The following SOX5 variants were observed in gnomAD, a reference collection of about 807,000 sequenced individuals.
The protein encoded by SOX5 is SRY-box transcription factor 5, also known as transcription factor SOX-5.
In SOX5, 9 loss-of-function variants were observed where a neutral mutation model predicts 92.0. The observed-to-expected ratio is 0.10, with a 90% CI of 0.06 to 0.17. The LOEUF is 0.17. SOX5 is among the 10% of genes least tolerant of loss of function. The pLI is 1.00. For missense variants in SOX5, 642 were observed against 944.5 expected (o/e 0.68, Z 4.20); for synonymous variants, 344 against 336.3 (o/e 1.02, Z -0.25).
chr12:23,807,709 C>T (rs573449646), intron 3 of SOX5, among the ~76,000 whole-genome samples: 6 of 150,374 alleles, frequency 4.0e-5, no homozygotes, highest in Admixed American at 2.7e-4. Flanking sequence ...GGCACAATCT[C>T]GGCTCACTGC....
chr12:23,734,643 A>AT (rs1238823703), intron 6 of SOX5, 41 bp downstream of exon 6: 1 of 1,411,746 alleles, frequency 7.1e-7, no homozygotes, highest in East Asian at 2.4e-5. Flanking sequence ...CAGAATATAT[A>AT]TTTTTTAAAT....
At chr12:24,202,218 T>C (rs1385377155) in intron 4 of SOX5, among the ~76,000 whole-genome samples, 2 of 152,214 alleles carry the variant, frequency 1.3e-5, no homozygotes, top group African/African-American at 4.8e-5. Flanking sequence ...TATCACTCTA[T>C]TACAATTCTC....
chr12:24,376,028 G>C (rs11047405), intron 1 of SOX5, among the ~76,000 whole-genome samples: 3,466 of 152,104 alleles, frequency 0.023, 75 homozygotes, highest in Non-Finnish European at 0.035. Context: ...GATTCACTAA[G>C]AAAGATGACC....
intron 11 of SOX5, among the ~76,000 whole-genome samples, chr12:23,550,220 GA>G (rs1380619036): frequency 6.6e-6 from 1 of 151,872 alleles, no homozygotes; most frequent in Non-Finnish European, 1.5e-5. Flanking sequence ...TCTGAATGGC[GA>G]AAGGCCACAG....
chr12:24,377,471 G>A (rs1338035920), intron 1 of SOX5, among the ~76,000 whole-genome samples: 3 of 152,158 alleles, frequency 2.0e-5, no homozygotes, highest in Non-Finnish European at 4.4e-5. Context: ...AACTAAGAAT[G>A]CAGAAAAATG....
rs545365771 is a variant in SOX5, at chr12:24,233,771, T to C, written c.-76-20354A>G. Among the ~76,000 whole-genome samples, 136 of 152,380 alleles carry C rather than the reference T, an allele frequency of 8.9e-4. No individual in the cohort carries two copies. In the South Asian group the frequency reaches 0.027, roughly 30 times the overall value. ...ATGCAGCCAGCACAAGGAAGACCTA[T>C]GTGCATATTTGGCATTAAGTAACCA... On this transcript the variant is annotated intron_variant, in intron 3 of 4. Transcript: ENST00000446891.
chr12:24,045,924 C>T (rs537192870), intron 4 of SOX5, among the ~76,000 whole-genome samples: 3 of 152,154 alleles, frequency 2.0e-5, no homozygotes, highest in African/African-American at 7.2e-5. Context: ...TCTCCTGTCA[C>T]TCTGGCTGTT....
intron 11 of SOX5, among the ~76,000 whole-genome samples, chr12:23,551,684 C>G (rs1195883545): frequency 6.6e-6 from 1 of 151,782 alleles, no homozygotes; most frequent in Non-Finnish European, 1.5e-5. Context: ...TATTCATTTT[C>G]TCCATTGAGA....
intron 1 of SOX5, among the ~76,000 whole-genome samples, chr12:24,493,056 G>T (rs1231750649): frequency 6.6e-6 from 1 of 152,038 alleles, no homozygotes; most frequent in Admixed American, 6.6e-5. Flanking sequence ...AAAGGGCAAG[G>T]TTTCCTGAAG....
intron 4 of SOX5, among the ~76,000 whole-genome samples, chr12:24,145,952 A>G (rs994844392): frequency 6.6e-6 from 1 of 152,366 alleles, no homozygotes; most frequent in Admixed American, 6.5e-5. Flanking sequence ...AAGCTTAAAC[A>G]TCTATGAATG....
chr12:23,745,938 T>C (rs1006537441), intron 4 of SOX5, among the ~76,000 whole-genome samples: 6 of 152,142 alleles, frequency 3.9e-5, no homozygotes, highest in South Asian at 4.1e-4. Flanking sequence ...GTATTGCATA[T>C]AGAAAATCAT....
chr12:24,128,492 T>C (rs540053940), intron 4 of SOX5, among the ~76,000 whole-genome samples: 3 of 152,000 alleles, frequency 2.0e-5, no homozygotes, highest in African/African-American at 7.2e-5. Flanking sequence ...ACAATTTAGA[T>C]AGGGTAGCAA....
At chr12:24,048,361 G>T (rs533691623) in intron 4 of SOX5, among the ~76,000 whole-genome samples, 1 of 152,164 alleles carries the variant, frequency 6.6e-6, no homozygotes, top group South Asian at 2.1e-4. Context: ...TCAGAATTCC[G>T]CATGTCTCAA....
chr12:24,506,784 C>CTTTTTGT (rs1948798789), intron 1 of SOX5, among the ~76,000 whole-genome samples: 1 of 81,760 alleles, frequency 1.2e-5, no homozygotes, highest in Non-Finnish European at 2.2e-5. Context: ...TCCAAATGGT[C>CTTTTTGT]TTTTTTTTTT....
chr12:23,889,918 T>A lies in SOX5; in HGVS notation c.270+5875A>T, dbSNP rs1038119657. On this transcript the variant is annotated intron_variant, in intron 2 of 14. Coordinates refer to ENST00000451604, the MANE Select transcript of SOX5 (RefSeq NM_006940.6). ...CAATAAATTAGATACTAGTAACATATTTTCAAATCCAATAGATCTTTATAT... is the reference window on the plus strand; with the variant it reads ...CAATAAATTAGATACTAGTAACATAATTTCAAATCCAATAGATCTTTATAT... 5.3e-5 allele frequency among the ~76,000 whole-genome samples: 8 copies of A among 152,204 alleles called. No individual in the cohort carries two copies. The East Asian group carries it at 1.5e-3, about 29-fold the overall frequency.
At chr12:23,621,575 G>A (rs1486691395) in intron 8 of SOX5, among the ~76,000 whole-genome samples, 5 of 152,060 alleles carry the variant, frequency 3.3e-5, no homozygotes, top group Admixed American at 6.6e-5. Flanking sequence ...ATTCCCATGT[G>A]TTGGTATATG....
intron 2 of SOX5, among the ~76,000 whole-genome samples, chr12:23,876,541 T>A (rs551755070): frequency 6.6e-6 from 1 of 152,176 alleles, no homozygotes; most frequent in Non-Finnish European, 1.5e-5. Context: ...GAGTATAAAT[T>A]AGTTCAACCA....
Position 23,737,935 on chromosome 12 carries a change from C to A in SOX5, c.741+2932G>T, listed in dbSNP as rs573798225. The stretch of plus-strand genomic sequence containing the variant: ...AAAGAACATATTCCCATAGATAATA[C>A]CCTCATCTCCAATGCCCTGCATAAG... On this transcript the variant is annotated intron_variant, in intron 5 of 14. Coordinates refer to ENST00000451604, the MANE Select transcript of SOX5 (RefSeq NM_006940.6). Among the ~76,000 whole-genome samples the A allele has an allele frequency of 2.0e-5, 3 of 151,998 alleles. No individual in the cohort carries two copies. The East Asian group carries it at 5.8e-4, about 29-fold the overall frequency.
At chr12:24,142,873 T>C (rs996181782) in intron 4 of SOX5, among the ~76,000 whole-genome samples, 4 of 149,810 alleles carry the variant, frequency 2.7e-5, no homozygotes, top group African/African-American at 9.9e-5. Flanking sequence ...CAAACCTGCA[T>C]AGAGAACTTG....
Sources: gnomAD v4.1 joint callset for allele counts (sites outside exome capture counted in the v4.1 genomes callset) on GRCh38, gnomAD v4.1.1 for gene constraint, MANE v1.5 for transcripts, NCBI Gene and HGNC (gene_info 2026-07-23, HGNC 2026-07-21) for gene names.